Variants in NKAIN2 observed in about 807,000 individuals in gnomAD.
The protein encoded by NKAIN2 is sodium/potassium-transporting ATPase subunit beta-1-interacting protein 2.
Under a neutral mutation model 32.6 loss-of-function variants are expected in NKAIN2, and 14 were observed. The observed-to-expected ratio is 0.43, with a 90% CI of 0.28 to 0.67. The LOEUF (loss-of-function observed/expected upper bound fraction) is 0.67, where lower values mean the gene tolerates loss of function less well. NKAIN2 is among the 30% of genes least tolerant of loss of function. The pLI is 0.17. For synonymous variants in NKAIN2, 80 were observed against 87.2 expected, an observed-to-expected ratio of 0.92 and a Z score of 0.46; for missense variants, 198 against 258.3, an observed-to-expected ratio of 0.77 and a Z score of 1.60.
chr6:124,551,410 G>A (rs959298586), intron 3 of NKAIN2, among the ~76,000 whole-genome samples: 2 of 152,250 alleles, frequency 1.3e-5, no homozygotes, highest in African/African-American at 2.4e-5. Context: ...TCTTCTCTAC[G>A]TTTTTCTTCC....
chr6:124,116,615 G>T (rs1785630931), intron 1 of NKAIN2, among the ~76,000 whole-genome samples: 1 of 152,024 alleles, frequency 6.6e-6, no homozygotes, highest in South Asian at 2.1e-4. Flanking sequence ...TTTTTTGTGT[G>T]AATATGCACC....
intron 1 of NKAIN2, among the ~76,000 whole-genome samples, chr6:123,925,516 C>A (rs1157766395): frequency 6.6e-6 from 1 of 152,074 alleles, no homozygotes; most frequent in Non-Finnish European, 1.5e-5. Context: ...CTGTGTGAAT[C>A]ATTCATGTAT....
At chr6:124,790,870 A>T (rs1779716663) in intron 4 of NKAIN2, among the ~76,000 whole-genome samples, 1 of 152,064 alleles carries the variant, frequency 6.6e-6, no homozygotes, top group Non-Finnish European at 1.5e-5. Flanking sequence ...ACAGATCTGC[A>T]TTTTCCTTAC....
intron 1 of NKAIN2, among the ~76,000 whole-genome samples, chr6:123,929,771 A>C (rs1776171035): frequency 1.3e-5 from 2 of 152,224 alleles, no homozygotes; most frequent in Admixed American, 6.5e-5. Context: ...GGGGACCAGA[A>C]GTATTTCAGA....
chr6:124,494,757 G>A (rs1778000336), intron 3 of NKAIN2, among the ~76,000 whole-genome samples: 1 of 152,130 alleles, frequency 6.6e-6, no homozygotes, highest in South Asian at 2.1e-4. Context: ...CAGTGTCTTT[G>A]TTTAAGTCGA....
intron 1 of NKAIN2, among the ~76,000 whole-genome samples, chr6:124,159,151 A>G (rs1409615413): frequency 6.6e-6 from 1 of 152,084 alleles, no homozygotes; most frequent in African/African-American, 2.4e-5. Flanking sequence ...TTCTCCATCA[A>G]CCTTACAATA....
intron 3 of NKAIN2, among the ~76,000 whole-genome samples, chr6:124,532,155 C>G (rs1472342894): frequency 6.6e-6 from 1 of 152,044 alleles, no homozygotes; most frequent in Non-Finnish European, 1.5e-5. Flanking sequence ...TGGAACAAGC[C>G]GTGGAAGAAG....
intron 4 of NKAIN2, among the ~76,000 whole-genome samples, chr6:124,679,049 C>A (rs1451139755): frequency 6.6e-6 from 1 of 152,018 alleles, no homozygotes; most frequent in East Asian, 1.9e-4. Context: ...AGATGCCTAG[C>A]TGTTTTATTC....
At chr6:124,414,403 G>T (rs1774366893) in intron 3 of NKAIN2, among the ~76,000 whole-genome samples, 1 of 151,956 alleles carries the variant, frequency 6.6e-6, no homozygotes, top group Admixed American at 6.6e-5. Flanking sequence ...GATTCTATTT[G>T]CTAAAATTTT....
rs547125151 is a variant in NKAIN2, at chr6:124,051,977, T to C, written c.55-231028T>C. Among the ~76,000 whole-genome samples, 3 of 152,132 alleles carry C rather than the reference T, an allele frequency of 2.0e-5. No individual in the cohort carries two copies. In the South Asian group the frequency reaches 6.2e-4, roughly 32 times the overall value. ...TCACTAGTACCTCCTACAGACTGCCTGGGAGGGGCCAAGAAGCAGACTCCT... is the reference window on the plus strand; with the variant it reads ...TCACTAGTACCTCCTACAGACTGCCCGGGAGGGGCCAAGAAGCAGACTCCT... On this transcript the variant is annotated intron_variant, in intron 1 of 6. Transcript: ENST00000368417.
At chr6:124,521,806 A>T (rs1779129131) in intron 3 of NKAIN2, among the ~76,000 whole-genome samples, 1 of 152,136 alleles carries the variant, frequency 6.6e-6, no homozygotes, top group African/African-American at 2.4e-5. Flanking sequence ...GACACAGTAT[A>T]TCTGTAATAC....
chr6:124,814,311 G>A lies in NKAIN2; in HGVS notation c.536-4076G>A, dbSNP rs547078635. Among the ~76,000 whole-genome samples the A allele has an allele frequency of 2.0e-4, 30 of 152,258 alleles. No individual in the cohort carries two copies. In the South Asian group the frequency reaches 6.2e-3, roughly 32 times the overall value. ...AAATTGACTGTACACTGTCTCCTTG[G>A]CTGTGAACTCAAGCATGTAGGTAAA... On this transcript the variant is annotated intron_variant, in intron 5 of 6. Coordinates refer to ENST00000368417, the MANE Select transcript of NKAIN2 (RefSeq NM_001040214.3).
chr6:124,689,939 T>A (rs982192942), intron 4 of NKAIN2, among the ~76,000 whole-genome samples: 1 of 152,112 alleles, frequency 6.6e-6, no homozygotes, highest in African/African-American at 2.4e-5. Context: ...CTGTTCTGAG[T>A]CTTTTCCTCT....
intron 3 of NKAIN2, among the ~76,000 whole-genome samples, chr6:124,570,820 C>T (rs1044671860): frequency 6.6e-6 from 1 of 152,180 alleles, no homozygotes; most frequent in Non-Finnish European, 1.5e-5. Flanking sequence ...AAGAGGGCCA[C>T]CATCCTCCAG....
At chr6:124,251,447 A>C (rs1251766906) in intron 1 of NKAIN2, among the ~76,000 whole-genome samples, 1 of 152,078 alleles carries the variant, frequency 6.6e-6, no homozygotes, top group Non-Finnish European at 1.5e-5. Context: ...CATAATGAGC[A>C]CCACAACAAA....
At chr6:124,224,144 A>T (rs970040679) in intron 1 of NKAIN2, among the ~76,000 whole-genome samples, 2 of 152,174 alleles carry the variant, frequency 1.3e-5, no homozygotes, top group Non-Finnish European at 2.9e-5. Context: ...CATATTCTGC[A>T]TACATTTACA....
At chr6:124,570,475 G>T (rs71559997) in intron 3 of NKAIN2, among the ~76,000 whole-genome samples, 14 of 152,114 alleles carry the variant, frequency 9.2e-5, no homozygotes, top group African/African-American at 3.4e-4. Flanking sequence ...TGCGCTGTGT[G>T]CAGCCCTGTG....
At chr6:123,846,285 T>TC (rs1279894784) in intron 1 of NKAIN2, among the ~76,000 whole-genome samples, 8 of 152,162 alleles carry the variant, frequency 5.3e-5, no homozygotes, top group African/African-American at 1.9e-4. Flanking sequence ...AGTTAAGTCC[T>TC]CATAGGCTAA....
chr6:124,706,855 T>C (rs1775102889), intron 4 of NKAIN2, among the ~76,000 whole-genome samples: 1 of 152,086 alleles, frequency 6.6e-6, no homozygotes, highest in Non-Finnish European at 1.5e-5. Context: ...TTTTTTTTTA[T>C]TATACTTTAA....
Sources: allele counts gnomAD v4.1 joint callset (sites outside exome capture counted in the v4.1 genomes callset), GRCh38; gene constraint gnomAD v4.1.1; transcripts MANE v1.5; gene names NCBI Gene and HGNC (gene_info 2026-07-23, HGNC 2026-07-21).